Variants in TCF7L2 observed in about 807,000 individuals in gnomAD.
TCF7L2 encodes transcription factor 7 like 2.
A neutral mutation model predicts 77.9 loss-of-function variants in TCF7L2; 23 were observed. The observed-to-expected ratio is 0.30, with a 90% CI of 0.21 to 0.42. The LOEUF (loss-of-function observed/expected upper bound fraction) is 0.42. TCF7L2 is among the 10% of genes least tolerant of loss of function. TCF7L2 has a pLI of 1.00. For missense variants in TCF7L2, 654 were observed against 793.1 expected (o/e 0.82, Z 2.11); for synonymous variants, 413 against 340.2 (o/e 1.21, Z -2.36).
intron 3 of TCF7L2, 117 bp downstream of exon 3, chr10:112,951,724 C>T: frequency 1.7e-5 from 7 of 400,710 alleles, no homozygotes; most frequent in Non-Finnish European, 2.4e-5. Flanking sequence ...GCCTCCTCCC[C>T]TCCCTCCCTC....
At position 113,156,062 on chromosome 10, in the gene TCF7L2, C is replaced by G. The variant is rs138623457; in HGVS notation, c.1270-1959C>G. Reference sequence around the variant, plus strand: ...GTGGAGCCTAAGCTTGGTGGCATCACCACCTTGAGGTTTTCCTGACAGAAC... The same window carrying G: ...GTGGAGCCTAAGCTTGGTGGCATCAGCACCTTGAGGTTTTCCTGACAGAAC... On this transcript the variant is annotated intron_variant, in intron 11 of 13. Transcript: ENST00000627217. Among the ~76,000 whole-genome samples the G allele has an allele frequency of 1.4e-3, 217 of 152,256 alleles. 2 individuals carry two copies. The highest frequency in any genetic ancestry group is 4.8e-3 in the African/African-American group (199 of 41,574).
intron 4 of TCF7L2, among the ~76,000 whole-genome samples, chr10:113,035,392 A>C (rs1222803876): frequency 6.6e-6 from 1 of 152,218 alleles, no homozygotes. Context: ...CCCATAGACC[A>C]AAATTGGCTT....
At chr10:113,019,475 C>T (rs1179965964) in intron 4 of TCF7L2, among the ~76,000 whole-genome samples, 1 of 152,166 alleles carries the variant, frequency 6.6e-6, no homozygotes, top group Admixed American at 6.5e-5. Flanking sequence ...TAGGACTTCA[C>T]TCCACAGACA....
chr10:113,105,303 G>A (rs1049523162), intron 5 of TCF7L2, among the ~76,000 whole-genome samples: 2 of 152,144 alleles, frequency 1.3e-5, no homozygotes, highest in African/African-American at 4.8e-5. Flanking sequence ...AGTCGAAGTC[G>A]GCTCCCATTG....
intron 4 of TCF7L2, among the ~76,000 whole-genome samples, chr10:113,001,774 T>C (rs2044533193): frequency 6.6e-6 from 1 of 152,210 alleles, no homozygotes. Flanking sequence ...TGTTGAGTGA[T>C]GATTAAACAG....
At chr10:113,077,625 C>T (rs1486621862) in intron 5 of TCF7L2, among the ~76,000 whole-genome samples, 4 of 151,924 alleles carry the variant, frequency 2.6e-5, no homozygotes, top group Admixed American at 1.3e-4. Flanking sequence ...CTGCTTCTTT[C>T]GCTTAACTTA....
intron 12 of TCF7L2, 59 bp downstream of exon 12, chr10:113,158,128 G>A: frequency 6.5e-7 from 1 of 1,542,072 alleles, no homozygotes; most frequent in South Asian, 1.2e-5. Context: ...ACCCTTTTAT[G>A]TTAGGTTTCC....
rs372869035 is a variant in TCF7L2, at chr10:113,165,826, G to A, written c.1663G>A (p.Ala555Thr). ...GGCCTCCGCCCTCTGTCCCAACGGGGCCCTGGACCTGCCCCCAGCCGCTTT... is the reference window on the plus strand; with the variant it reads ...GGCCTCCGCCCTCTGTCCCAACGGGACCCTGGACCTGCCCCCAGCCGCTTT... The change falls in exon 14 of 14, where the codon GCC becomes ACC. Residue 555 changes from alanine (A) to threonine (T), a missense_variant. Around this residue, in one of 6 missense-constraint regions of TCF7L2, gnomAD observed 272 missense variants for 215.4 expected, o/e 1.26. Transcript: ENST00000627217. 20 of 1,606,330 alleles carry A rather than the reference G, an allele frequency of 1.2e-5. No homozygotes were observed. Among genetic ancestry groups the A allele is most frequent in the Middle Eastern group, 3.3e-4 (2 of 6,016 alleles).
intron 5 of TCF7L2, among the ~76,000 whole-genome samples, chr10:113,074,146 G>A (rs1294667374): frequency 1.3e-5 from 2 of 152,174 alleles, no homozygotes; most frequent in African/African-American, 2.4e-5. Flanking sequence ...GAGCACAGAC[G>A]TCATCTTGGA....
At chr10:113,158,197 T>C (rs2072364012) in intron 12 of TCF7L2, 128 bp downstream of exon 12, 6 of 950,162 alleles carry the variant, frequency 6.3e-6, no homozygotes, top group Non-Finnish European at 9.5e-6. Context: ...CCTTCTTAGC[T>C]AGCCTTTTTG....
chr10:113,079,444 T>A (rs1379520521), intron 5 of TCF7L2, among the ~76,000 whole-genome samples: 1 of 152,222 alleles, frequency 6.6e-6, no homozygotes, highest in African/African-American at 2.4e-5. Context: ...GGCATTTTAA[T>A]GTCCCTTAAG....
In TCF7L2 at chr10:113,030,786, C is replaced by T. The variant is rs568096842; in HGVS notation, c.451-9239C>T. 5.9e-5 allele frequency among the ~76,000 whole-genome samples: 9 copies of T among 152,342 alleles called. No homozygotes were observed. The East Asian group carries it at 1.5e-3, about 26-fold the overall frequency. On this transcript the variant is annotated intron_variant, in intron 4 of 13. Transcript: ENST00000627217. Reference sequence around the variant, plus strand: ...CCAATGTCTTCATGTCCTTTAACCTCCTGGCTTAGGGACTTGTGTGCTGGT... The same window carrying T: ...CCAATGTCTTCATGTCCTTTAACCTTCTGGCTTAGGGACTTGTGTGCTGGT...
intron 4 of TCF7L2, among the ~76,000 whole-genome samples, chr10:113,009,225 T>C (rs2046061406): frequency 6.6e-6 from 1 of 152,170 alleles, no homozygotes; most frequent in South Asian, 2.1e-4. Flanking sequence ...TGTGCTCCCC[T>C]CTAAATAAAG....
intron 4 of TCF7L2, among the ~76,000 whole-genome samples, chr10:112,976,643 G>T (rs1476425381): frequency 6.6e-6 from 1 of 152,194 alleles, no homozygotes; most frequent in Admixed American, 6.5e-5. Context: ...TGAGATTGGG[G>T]TAGGTGTATA....
chr10:113,073,503 CAAAAAAAAAAAAAAAAAA>C (rs35730806), intron 5 of TCF7L2, among the ~76,000 whole-genome samples: 1 of 43,966 alleles, frequency 2.3e-5, no homozygotes, highest in Admixed American at 3.0e-4. Context: ...CGGTCTCTAC[CAAAAAAAAAAAAAAAAAA>C]AAAAAAAAAA....
intron 5 of TCF7L2, among the ~76,000 whole-genome samples, chr10:113,109,652 A>G (rs1277821913): frequency 2.6e-5 from 4 of 152,150 alleles, no homozygotes; most frequent in Non-Finnish European, 5.9e-5. Context: ...CAGCCTCCCA[A>G]ACTGCTGGGA....
chr10:112,961,023 T>C (rs944146747), intron 3 of TCF7L2, among the ~76,000 whole-genome samples: 1 of 151,568 alleles, frequency 6.6e-6, no homozygotes, highest in Non-Finnish European at 1.5e-5. Flanking sequence ...TATTTTATTA[T>C]TATTTTTTGA....
At chr10:113,006,252 G>C (rs1447016613) in intron 4 of TCF7L2, among the ~76,000 whole-genome samples, 2 of 152,174 alleles carry the variant, frequency 1.3e-5, no homozygotes, top group African/African-American at 4.8e-5. Flanking sequence ...TCTAAAAGGG[G>C]AAAAGGGGCT....
intron 3 of TCF7L2, 35 bp from the exon 4 acceptor site, chr10:112,964,521 T>G (rs377543374): frequency 4.4e-6 from 7 of 1,599,970 alleles, no homozygotes; most frequent in Non-Finnish European, 5.1e-6. Flanking sequence ...GTTTGTGACA[T>G]AAGCAGAACG....
Sources: allele counts gnomAD v4.1 joint callset (sites outside exome capture counted in the v4.1 genomes callset), GRCh38; gene constraint gnomAD v4.1.1; regional missense constraint gnomAD v4.1.1; transcripts MANE v1.5; gene names NCBI Gene and HGNC (gene_info 2026-07-23, HGNC 2026-07-21).